Variants in CCNY observed in about 807,000 individuals in gnomAD.
The protein encoded by CCNY is cyclin-Y.
CCNY carries 19 observed loss-of-function variants against 42.8 expected under a neutral mutation model. The observed-to-expected ratio is 0.44, with a 90% CI of 0.31 to 0.65. The LOEUF is 0.65. Among genes scored for constraint, CCNY ranks in the 30% least tolerant of loss-of-function variants. The pLI is 0.07. For synonymous variants in CCNY, 165 were observed against 162.7 expected (o/e 1.01, Z -0.11); for missense variants, 370 against 437.3 (o/e 0.85, Z 1.37).
intron 1 of CCNY, among the ~76,000 whole-genome samples, chr10:35,444,343 G>C (rs978292189): frequency 6.6e-6 from 1 of 151,848 alleles, no homozygotes; most frequent in African/African-American, 2.4e-5. Flanking sequence ...TGCCCCCCGG[G>C]TTCAAGCTAT....
At chr10:35,440,706 G>A (rs1285498253) in intron 1 of CCNY, among the ~76,000 whole-genome samples, 2 of 152,232 alleles carry the variant, frequency 1.3e-5, no homozygotes, top group South Asian at 2.1e-4. Flanking sequence ...GTGATTCTGG[G>A]CAGCAGAAAG....
chr10:35,461,091 G>A (rs909427810), intron 1 of CCNY, among the ~76,000 whole-genome samples: 2 of 152,192 alleles, frequency 1.3e-5, no homozygotes, highest in African/African-American at 2.4e-5. Context: ...CACTGGGCTG[G>A]CTGAAGGTCT....
At chr10:35,542,579 C>T (rs1486739014) in intron 7 of CCNY, among the ~76,000 whole-genome samples, 1 of 152,188 alleles carries the variant, frequency 6.6e-6, no homozygotes, top group Non-Finnish European at 1.5e-5. Context: ...CTGTCAGGAC[C>T]ACTGGTCATG....
chr10:35,423,051 T>TAAA (rs1838192072), intron 1 of CCNY, among the ~76,000 whole-genome samples: 1 of 152,240 alleles, frequency 6.6e-6, no homozygotes, highest in Non-Finnish European at 1.5e-5. Flanking sequence ...TAGTGTTTTG[T>TAAA]ATGCTGAACT....
chr10:35,514,097 A>AC (rs56888376), intron 3 of CCNY, among the ~76,000 whole-genome samples: 3 of 150,124 alleles, frequency 2.0e-5, no homozygotes, highest in Non-Finnish European at 4.4e-5. Flanking sequence ...AAAAAAAAAA[A>AC]CAGAGACAAC....
At chr10:35,422,552 T>C (rs185569977) in intron 1 of CCNY, among the ~76,000 whole-genome samples, 2 of 152,336 alleles carry the variant, frequency 1.3e-5, no homozygotes, top group Non-Finnish European at 1.5e-5. Flanking sequence ...ATGGCAGTTA[T>C]TGTGCTTGTA....
At chr10:35,455,403 G>C (rs1839005927) in intron 1 of CCNY, 1 of 152,162 alleles carries the variant, frequency 6.6e-6, no homozygotes, top group Admixed American at 6.5e-5. Context: ...CATCAAACAA[G>C]GGAAGAGAAT....
intron 3 of CCNY, among the ~76,000 whole-genome samples, chr10:35,292,597 G>A (rs917277167): frequency 3.9e-5 from 6 of 151,936 alleles, no homozygotes; most frequent in African/African-American, 1.4e-4. Flanking sequence ...CTGACCTCAG[G>A]TGATCCACCC....
At chr10:35,476,647 G>A (rs1411058797) in intron 1 of CCNY, among the ~76,000 whole-genome samples, 1 of 150,708 alleles carries the variant, frequency 6.6e-6, no homozygotes, top group Admixed American at 6.6e-5. Context: ...TGTGTAGAGG[G>A]AAATTTATAG....
chr10:35,539,541 C>T (rs1589192171), intron 7 of CCNY, among the ~76,000 whole-genome samples: 2 of 152,248 alleles, frequency 1.3e-5, no homozygotes, highest in South Asian at 4.1e-4. Context: ...GTAATCCCAG[C>T]AGTTTGGGAG....
At chr10:35,326,389 C>T (rs952895389) in intron 3 of CCNY, among the ~76,000 whole-genome samples, 5 of 152,206 alleles carry the variant, frequency 3.3e-5, no homozygotes, top group Admixed American at 1.3e-4. Context: ...AACGGCAGGG[C>T]GCTCAAAAGG....
intron 1 of CCNY, among the ~76,000 whole-genome samples, chr10:35,457,971 T>TA (rs1269250580): frequency 3.9e-5 from 6 of 152,274 alleles, no homozygotes; most frequent in Non-Finnish European, 8.8e-5. Context: ...TCTGTTGTTT[T>TA]AACTATTCCT....
intron 4 of CCNY, among the ~76,000 whole-genome samples, chr10:35,521,804 C>T (rs931828214): frequency 2.0e-5 from 3 of 152,156 alleles, no homozygotes; most frequent in Non-Finnish European, 4.4e-5. Context: ...CTCAAGACTG[C>T]TCCACCTGGA....
intron 1 of CCNY, among the ~76,000 whole-genome samples, chr10:35,377,268 C>T (rs1303578349): frequency 1.3e-5 from 2 of 152,178 alleles, no homozygotes; most frequent in African/African-American, 2.4e-5. Context: ...GCTGACTGAC[C>T]TAGAGCAACT....
intron 2 of CCNY, among the ~76,000 whole-genome samples, chr10:35,250,257 T>A (rs1199010992): frequency 6.8e-6 from 1 of 147,862 alleles, no homozygotes; most frequent in Non-Finnish European, 1.5e-5. Context: ...CCCAGCTACC[T>A]GGGAGGCTGA....
chr10:35,323,942 C>A (rs1835850888), intron 3 of CCNY, among the ~76,000 whole-genome samples: 1 of 151,772 alleles, frequency 6.6e-6, no homozygotes, highest in Admixed American at 6.6e-5. Flanking sequence ...ATCGCTTGAA[C>A]CTAGGAGGCA....
rs113570795 is a variant in CCNY at position 35,337,325 on chromosome 10, G to C, written c.154+118G>C. ...CGGTCTCGGCGACCCGTGCATAACC[G>C]GGGCTTCGCCCGCGCAGCCTAGGCG... On this transcript the variant is annotated intron_variant, in intron 1 of 9. Coordinates refer to ENST00000374704, the MANE Select transcript of CCNY (RefSeq NM_145012.6). 7.4e-4 allele frequency: 815 copies of C among 1,106,940 alleles called. 5 individuals carry two copies. The African/African-American group carries it at 0.012, about 16-fold the overall frequency. The allele number at this position is 1,106,940 out of a possible 1,614,324, so 68.6% of individuals were successfully genotyped here.
At chr10:35,513,378 A>G (rs1368756119) in intron 3 of CCNY, among the ~76,000 whole-genome samples, 4 of 152,124 alleles carry the variant, frequency 2.6e-5, no homozygotes, top group Admixed American at 1.3e-4. Context: ...CAATCTTTCT[A>G]AATTGTTTAT....
At position 35,535,333 on chromosome 10, in the gene CCNY, G is replaced by A. The variant is rs142252641; in HGVS notation, c.579+5090G>A. ...TCCAGTAGATAACCTCAAGGAGCAC[G>A]GCACCAGGGAGTGATTACACTCAAC... On this transcript the variant is annotated intron_variant, in intron 7 of 9. Transcript: ENST00000374704. Among the ~76,000 whole-genome samples the A allele has an allele frequency of 3.3e-3, 506 of 152,128 alleles. 5 individuals carry two copies. The highest frequency in any genetic ancestry group is 0.012 in the African/African-American group (483 of 41,492).
Sources: gnomAD v4.1 joint callset for allele counts (sites outside exome capture counted in the v4.1 genomes callset) on GRCh38, gnomAD v4.1.1 for gene constraint, MANE v1.5 for transcripts, NCBI Gene and HGNC (gene_info 2026-07-23, HGNC 2026-07-21) for gene names.